Variants in SEM1 observed in about 807,000 individuals in gnomAD.
SEM1 encodes SEM1 26S proteasome subunit, also known as 26S proteasome complex subunit SEM1.
In SEM1, 3 loss-of-function variants were observed where a neutral mutation model predicts 12.7. That is an observed-to-expected ratio of 0.24 (90% CI 0.11 to 0.61). The LOEUF (loss-of-function observed/expected upper bound fraction) is 0.61, where lower values mean the gene tolerates loss of function less well. Ranked by LOEUF, SEM1 falls within the 20% of genes least tolerant of loss-of-function variation. The probability of loss-of-function intolerance (pLI) is 0.88; values close to 1 mark genes in which losing one functional copy is unlikely to be tolerated. For missense variants in SEM1, 59 were observed against 81.3 expected (o/e 0.73, Z 1.06); for synonymous variants, 30 against 27.8 (o/e 1.08, Z -0.25).
intron 2 of SEM1, among the ~76,000 whole-genome samples, chr7:96,534,040 C>T (rs1013059423): frequency 3.9e-5 from 6 of 152,054 alleles, no homozygotes; most frequent in African/African-American, 2.4e-5. Flanking sequence ...GTACAATATA[C>T]ATCTATGCAG....
intron 2 of SEM1, chr7:96,650,246 G>C (rs919687551): frequency 2.4e-6 from 1 of 417,478 alleles, no homozygotes; most frequent in African/African-American, 2.0e-5. Flanking sequence ...AAAAACTAAG[G>C]ATCAACAGAA....
At chr7:96,567,965 C>A (rs1805900273) in intron 2 of SEM1, among the ~76,000 whole-genome samples, 2 of 151,452 alleles carry the variant, frequency 1.3e-5, no homozygotes, top group South Asian at 4.2e-4. Flanking sequence ...CACACACACA[C>A]ACATTTAGTA....
chr7:96,562,555 T>C (rs115976675), intron 2 of SEM1, among the ~76,000 whole-genome samples: 1,728 of 152,292 alleles, frequency 0.011, 29 homozygotes, highest in African/African-American at 0.039. Context: ...ATTTCCTCCT[T>C]TGGATTGGAT....
At chr7:96,516,275 C>T (rs563094286) in intron 2 of SEM1, among the ~76,000 whole-genome samples, 3 of 152,220 alleles carry the variant, frequency 2.0e-5, no homozygotes, top group South Asian at 4.1e-4. Flanking sequence ...CTCTGCAAGA[C>T]AGTCTCAAAT....
chr7:96,650,708 C>G (rs1437810258), intron 2 of SEM1, among the ~76,000 whole-genome samples: 4 of 151,726 alleles, frequency 2.6e-5, no homozygotes, highest in Admixed American at 2.6e-4. Context: ...ACACTCAGAG[C>G]TCCAAAACTC....
At chr7:96,633,304 T>C (rs1283871348) in intron 2 of SEM1, among the ~76,000 whole-genome samples, 2 of 152,080 alleles carry the variant, frequency 1.3e-5, no homozygotes, top group African/African-American at 4.8e-5. Context: ...ATATATAGGG[T>C]AGCAACTGCT....
chr7:96,644,833 CTTG>C (rs1362987006), intron 2 of SEM1, among the ~76,000 whole-genome samples: 1 of 152,130 alleles, frequency 6.6e-6, no homozygotes, highest in Non-Finnish European at 1.5e-5. Context: ...GATCGATTAA[CTTG>C]TGTGAGTATT....
chr7:96,686,352 C>T (rs1789760091), downstream of SEM1, among the ~76,000 whole-genome samples: 1 of 152,100 alleles, frequency 6.6e-6, no homozygotes. Context: ...GGACAAAACA[C>T]TGGATAACTA....
intron 2 of SEM1, among the ~76,000 whole-genome samples, chr7:96,511,994 T>C (rs1803948354): frequency 6.6e-6 from 1 of 152,102 alleles, no homozygotes; most frequent in Admixed American, 6.6e-5. Context: ...CTGAAAAGCT[T>C]TGAGGTGCTG....
chr7:96,586,233 G>A (rs1395811398), intron 2 of SEM1, among the ~76,000 whole-genome samples: 3 of 152,142 alleles, frequency 2.0e-5, no homozygotes, highest in Non-Finnish European at 4.4e-5. Flanking sequence ...CATTACAAGA[G>A]TTTACCACCT....
chr7:96,534,316 T>A (rs1439477602), intron 2 of SEM1, among the ~76,000 whole-genome samples: 1 of 152,072 alleles, frequency 6.6e-6, no homozygotes, highest in Non-Finnish European at 1.5e-5. Context: ...CCCGATACTT[T>A]AAGGCTTTTC....
intron 2 of SEM1, among the ~76,000 whole-genome samples, chr7:96,659,732 G>C (rs1359394892): frequency 6.6e-6 from 1 of 151,838 alleles, no homozygotes; most frequent in Non-Finnish European, 1.5e-5. Context: ...ATTTTGTTAA[G>C]CTTACTTGCA....
At chr7:96,687,502 A>G (rs538258352), downstream of SEM1, among the ~76,000 whole-genome samples, 622 of 152,188 alleles carry the variant, frequency 4.1e-3, 4 homozygotes, top group African/African-American at 0.014. Context: ...ATGAAATTGG[A>G]AATCATCATT....
At chr7:96,526,790 T>C (rs1253991402) in intron 2 of SEM1, among the ~76,000 whole-genome samples, 1 of 152,074 alleles carries the variant, frequency 6.6e-6, no homozygotes, top group Non-Finnish European at 1.5e-5. Context: ...GCTTGTGTTC[T>C]GTGGGAGGTT....
intron 2 of SEM1, among the ~76,000 whole-genome samples, chr7:96,588,552 AT>A (rs1806730702): frequency 2.0e-5 from 3 of 152,152 alleles, no homozygotes; most frequent in African/African-American, 7.2e-5. Flanking sequence ...TTTTCTTTCC[AT>A]TTTGAACTCT....
chr7:96,677,377 T>C (rs1318138142), intron 2 of SEM1, among the ~76,000 whole-genome samples: 1 of 152,186 alleles, frequency 6.6e-6, no homozygotes, highest in Non-Finnish European at 1.5e-5. Context: ...GTTTTGGACT[T>C]TGAGACAAAG....
At chr7:96,621,024 G>A (rs978296802), downstream of SEM1, among the ~76,000 whole-genome samples, 2 of 152,002 alleles carry the variant, frequency 1.3e-5, no homozygotes, top group African/African-American at 4.8e-5. Context: ...CCCCAGATTT[G>A]ACCCATCTTA....
chr7:96,590,630 T>C (rs1307033941), intron 2 of SEM1, among the ~76,000 whole-genome samples: 1 of 152,176 alleles, frequency 6.6e-6, no homozygotes, highest in Non-Finnish European at 1.5e-5. Context: ...TTGATAAAAG[T>C]TTAGCAGCTT....
chr7:96,620,687 A>G (rs909259328), downstream of SEM1, among the ~76,000 whole-genome samples: 2 of 151,988 alleles, frequency 1.3e-5, no homozygotes, highest in African/African-American at 2.4e-5. Context: ...TCTCTGGTGA[A>G]TTCTCTCCTC....
Sources: gnomAD v4.1 joint callset for allele counts (sites outside exome capture counted in the v4.1 genomes callset) on GRCh38, gnomAD v4.1.1 for gene constraint, MANE v1.5 for transcripts, NCBI Gene and HGNC (gene_info 2026-07-23, HGNC 2026-07-21) for gene names.